The following RBM4B variants were observed in gnomAD, a reference collection of about 807,000 sequenced individuals.
RBM4B encodes the protein RNA-binding protein 4B.
A neutral mutation model predicts 28.5 loss-of-function variants in RBM4B; 13 were observed. That is an observed-to-expected ratio of 0.46 (90% CI 0.30 to 0.72). RBM4B has a LOEUF of 0.72. Among genes scored for constraint, RBM4B ranks in the 30% least tolerant of loss-of-function variants. RBM4B has a pLI of 0.09. For synonymous variants in RBM4B, 167 were observed against 179.1 expected (o/e 0.93, Z 0.54); for missense variants, 387 against 477.6 (o/e 0.81, Z 1.77).
chr11:66,666,168 C>G, intron 3 of RBM4B: 2 of 783,738 alleles, frequency 2.6e-6, no homozygotes, highest in Non-Finnish European at 3.7e-6. Flanking sequence ...GACCAAATCT[C>G]CCTTGCCAAA....
chr11:66,672,413 A>AG (rs1269131495), intron 2 of RBM4B, among the ~76,000 whole-genome samples: 1 of 150,620 alleles, frequency 6.6e-6, no homozygotes. Flanking sequence ...GTCTAAAAAA[A>AG]AAAAAAAAAA....
chr11:66,669,451 T>G (rs1392844701), intron 2 of RBM4B, among the ~76,000 whole-genome samples, 160 bp from the exon 3 acceptor site: 1 of 151,776 alleles, frequency 6.6e-6, no homozygotes, highest in Non-Finnish European at 1.5e-5. Flanking sequence ...GAAGTTTTTT[T>G]GTTTTTTTTT....
At chr11:66,666,988 C>G (rs1427869707) in intron 3 of RBM4B, 1 of 151,800 alleles carries the variant, frequency 6.6e-6, no homozygotes, top group Admixed American at 6.6e-5. Context: ...CAGTCTCTCA[C>G]TCCTGGGCTC....
Position 66,668,804 on chromosome 11 carries a change from T to C in RBM4B, c.900A>G (p.Gly300=), listed in dbSNP as rs748107705. 2.4e-5 allele frequency: 39 copies of C among 1,614,078 alleles called. No homozygotes were observed. Among genetic ancestry groups the C allele is most frequent in the Middle Eastern group, 3.3e-4 (2 of 6,084 alleles). ...CACGACGCAGTGGGCTCCTGTCCCT[T>C]CCATAGTAGGAGGAAGTGGTGGCTG... is the stretch of plus-strand genomic sequence containing the variant. ...AAAATTSSYY[G]RDRSPLRRAA... is the part of the protein sequence containing the mutation. The change falls in exon 3 of 4, where the codon GGA becomes GGG. Residue 300 remains glycine (G), a synonymous_variant. Coordinates refer to ENST00000310046, the MANE Select transcript of RBM4B (RefSeq NM_031492.4).
At chr11:66,667,975 G>A (rs1939309618) in intron 3 of RBM4B, 1 of 152,552 alleles carries the variant, frequency 6.6e-6, no homozygotes, top group Non-Finnish European at 1.5e-5. Context: ...CCAGTGTTAG[G>A]ATTACAGGAG....
chr11:66,675,370 A>C (rs1053512539), intron 2 of RBM4B, among the ~76,000 whole-genome samples: 1 of 152,238 alleles, frequency 6.6e-6, no homozygotes, highest in African/African-American at 2.4e-5. Context: ...ACACTTGTCC[A>C]AGGTCACACA....
intron 2 of RBM4B, among the ~76,000 whole-genome samples, chr11:66,672,444 A>G (rs1464048672): frequency 6.7e-6 from 1 of 149,594 alleles, no homozygotes; most frequent in Non-Finnish European, 1.5e-5. Context: ...CAAAAAAACC[A>G]AAACAACCAG....
chr11:66,670,929 A>G (rs1359664711), intron 2 of RBM4B: 1 of 702,584 alleles, frequency 1.4e-6, no homozygotes, highest in Non-Finnish European at 2.6e-6. Context: ...CTCTCTCTTT[A>G]ACAGACCTTC....
At chr11:66,672,976 G>C (rs1257523380) in intron 2 of RBM4B, among the ~76,000 whole-genome samples, 1 of 152,138 alleles carries the variant, frequency 6.6e-6, no homozygotes, top group Non-Finnish European at 1.5e-5. Context: ...AAAAGTTACT[G>C]AAGTTTGTTG....
At chr11:66,670,008 C>T (rs1443728888) in intron 2 of RBM4B, among the ~76,000 whole-genome samples, 1 of 152,220 alleles carries the variant, frequency 6.6e-6, no homozygotes, top group African/African-American at 2.4e-5. Flanking sequence ...CGGCATCTTG[C>T]CCATCTCTCA....
At chr11:66,670,991 A>C in intron 2 of RBM4B, 3 of 702,604 alleles carry the variant, frequency 4.3e-6, no homozygotes, top group Non-Finnish European at 7.8e-6. Context: ...ATCCTGTTGG[A>C]AATAGCCCTA....
At position 66,676,379 on chromosome 11, in the gene RBM4B, G is replaced by C. The variant is rs1264455161; in HGVS notation, c.412+289C>G. 4 of 544,748 alleles carry C rather than the reference G, an allele frequency of 7.3e-6. No individual in the cohort carries two copies. In the Admixed American group the frequency reaches 1.4e-4, roughly 19 times the overall value. The allele number at this position is 544,748 out of a possible 1,614,324, so 33.7% of individuals were successfully genotyped here. ...TCTCATGAGGTACTCGTTTCCCCAA[G>C]CAGATTACACTTCCAACAGCACTCG... On this transcript the variant is annotated intron_variant, in intron 2 of 3. Transcript: ENST00000310046.
Position 66,677,025 on chromosome 11 carries a change from G to T in RBM4B, c.55C>A (p.Arg19Ser), listed in dbSNP as rs1395429983. The change falls in exon 2 of 4, where the codon CGC becomes AGC. Residue 19 changes from arginine to serine, a missense_variant. Arg to Ser is a moderately radical substitution (Grantham distance 110). Coordinates refer to ENST00000310046, the MANE Select transcript of RBM4B (RefSeq NM_031492.4). The stretch of plus-strand genomic sequence containing the variant: ...TTCCCATACTGCTCGAAGAGTGAGC[G>T]AATCTCCTGCTCTGTAGCCTCCCGG... ...LPREATEQEI[R>S]SLFEQYGKVL... 1.2e-6 allele frequency: 2 copies of T among 1,614,092 alleles called. No homozygotes were observed. The highest frequency in any genetic ancestry group is 1.7e-6 in the Non-Finnish European group (2 of 1,180,006).
chr11:66,666,288 T>A, intron 3 of RBM4B: 2 of 1,088,418 alleles, frequency 1.8e-6, no homozygotes, highest in Non-Finnish European at 2.2e-6. Context: ...TTCCTCTACT[T>A]ATTACAGACA....
chr11:66,669,126 T>C lies in RBM4B; in HGVS notation c.578A>G (p.Gln193Arg), dbSNP rs1233421359. 1.2e-6 allele frequency: 2 copies of C among 1,614,188 alleles called. No individual in the cohort carries two copies. Among genetic ancestry groups the C allele is most frequent in the East Asian group, 4.5e-5 (2 of 44,882 alleles). ...VADFTEQYNE[Q>R]YGAVRTPYTM... ...GTAAGGTGTTCGAACTGCTCCATATTGTTCATTATACTGCTCAGTAAAGTC... is the reference window on the plus strand; with the variant it reads ...GTAAGGTGTTCGAACTGCTCCATATCGTTCATTATACTGCTCAGTAAAGTC... The change falls in exon 3 of 4, where the codon CAA becomes CGA. Residue 193 changes from glutamine to arginine, a missense_variant. Gln to Arg is a conservative substitution (Grantham distance 43, BLOSUM62 1). Transcript: ENST00000310046.
chr11:66,672,426 AAAAC>A (rs1939492131), intron 2 of RBM4B, among the ~76,000 whole-genome samples: 1 of 150,696 alleles, frequency 6.6e-6, no homozygotes, highest in Non-Finnish European at 1.5e-5. Flanking sequence ...AAAAAAAAAA[AAAAC>A]CCACAAAAAA....
Position 66,668,769 on chromosome 11 carries a change from A to G in RBM4B, c.935T>C (p.Met312Thr), listed in dbSNP as rs750812794. The change falls in exon 3 of 4, where the codon ATG (methionine) becomes ACG (threonine). Residue 312 changes from methionine (M) to threonine (T), a missense_variant. Physicochemically the swap from Met to Thr is moderately conservative, Grantham distance 81. Around this residue, in one of 2 missense-constraint regions of RBM4B, gnomAD observed 226 missense variants for 220.6 expected, o/e 1.02. Transcript: ENST00000310046. ...DRSPLRRAAA[M>T]LPTVGEGYGY... ...GTAGCCCTCTCCAACTGTGGGGAGC[A>G]TGGCTGCAGCACGACGCAGTGGGCT... is the stretch of plus-strand genomic sequence containing the variant. The G allele has an allele frequency of 3.7e-6, 6 of 1,614,222 alleles. No individual in the cohort carries two copies. The highest frequency in any genetic ancestry group is 2.5e-6 in the Non-Finnish European group (3 of 1,180,036).
chr11:66,674,345 T>C (rs994201050), intron 2 of RBM4B, among the ~76,000 whole-genome samples: 2 of 151,842 alleles, frequency 1.3e-5, no homozygotes, highest in African/African-American at 4.8e-5. Context: ...TGCCTCAGCT[T>C]CCCGAGTAGT....
chr11:66,671,219 G>A (rs1328841466), intron 2 of RBM4B, among the ~76,000 whole-genome samples: 1 of 152,082 alleles, frequency 6.6e-6, no homozygotes, highest in African/African-American at 2.4e-5. Context: ...TACCCAAAAT[G>A]GCACTAAATC....
Sources: allele counts gnomAD v4.1 joint callset (sites outside exome capture counted in the v4.1 genomes callset), GRCh38; gene constraint gnomAD v4.1.1; regional missense constraint gnomAD v4.1.1; transcripts MANE v1.5; gene names NCBI Gene and HGNC (gene_info 2026-07-23, HGNC 2026-07-21).